The following TTN variants were observed in gnomAD, a reference collection of about 807,000 sequenced individuals.
The protein encoded by TTN is titin, also known as connectin.
Under a neutral mutation model 3,223.0 loss-of-function variants are expected in TTN, and 1,525 were observed. The ratio of observed to expected loss-of-function variants is 0.47; its 90% CI spans 0.45 to 0.49. TTN has a LOEUF of 0.49. Ranked by LOEUF, TTN falls within the 20% of genes least tolerant of loss-of-function variation. TTN has a pLI of 0.00. For synonymous variants in TTN, 14,094 were observed against 15,161.0 expected (o/e 0.93, Z 5.17); for missense variants, 40,786 against 43,424.0 (o/e 0.94, Z 5.40).
chr2:178,763,531 T>A (rs1233390256), intron 43 of TTN, among the ~76,000 whole-genome samples: 1 of 152,208 alleles, frequency 6.6e-6, no homozygotes, highest in Admixed American at 6.5e-5. Flanking sequence ...CAGGTACTAT[T>A]TTTCAGATGC....
chr2:178,585,015 G>A (rs374936154), intron 309 of TTN, 47 bp from the exon 310 acceptor site: 26 of 1,604,650 alleles, frequency 1.6e-5, no homozygotes, highest in Middle Eastern at 1.7e-4. Context: ...GATTTGATAC[G>A]TAAAAATATT....
At position 178,579,541 on chromosome 2, in the gene TTN, A is replaced by T. The variant is rs1450467368; in HGVS notation, c.67636+20T>A. On this transcript the variant is annotated intron_variant, in intron 319 of 362. Transcript: ENST00000589042. ...CGATGACAATAAAGGAAAAATGAAG[A>T]TGTGTGCATAGAGCCTTACCAACAT... 1 of 1,608,374 alleles carries T rather than the reference A, an allele frequency of 6.2e-7. No individual in the cohort carries two copies. The highest frequency in any genetic ancestry group is 8.5e-7 in the Non-Finnish European group (1 of 1,178,452).
At chr2:178,545,749 G>T (rs1042426822) in intron 343 of TTN, 56 bp from the exon 344 acceptor site, 13 of 1,597,330 alleles carry the variant, frequency 8.1e-6, no homozygotes, top group Non-Finnish European at 1.1e-5. Context: ...TGATAAGACT[G>T]CCCTTCTCCC....
Position 178,577,488 on chromosome 2 carries a change from A to G in TTN, c.68847T>C (p.Asp22949=). The change falls in exon 324 of 363, where the codon GAT becomes GAC. Residue 22949 remains aspartate, a synonymous_variant. Transcript: ENST00000589042. The stretch of plus-strand genomic sequence containing the variant: ...TTGTTAGCCCATCTTTTATTGTGGG[A>G]TCAAGGACAATTGTTGGTGCCTCTG... ...DEYEAPTIVL[D]PTIKDGLTIK... The G allele has an allele frequency of 6.3e-7, 1 of 1,590,794 alleles. No individual in the cohort carries two copies. Among genetic ancestry groups the G allele is most frequent in the Non-Finnish European group, 8.6e-7 (1 of 1,166,070 alleles).
rs886042786 is a variant in TTN, at chr2:178,566,618, G to A, written c.79514C>T (p.Thr26505Ile). 4.3e-6 allele frequency: 7 copies of A among 1,612,392 alleles called. No homozygotes were observed. The highest frequency in any genetic ancestry group is 1.7e-6 in the Non-Finnish European group (2 of 1,179,676). The change falls in exon 326 of 363, where the codon ACA becomes ATA. Residue 26505 changes from threonine to isoleucine, a missense_variant. Physicochemically the swap from Thr to Ile is moderately conservative, Grantham distance 89 (BLOSUM62 -1). Coordinates refer to ENST00000589042, the MANE Select transcript of TTN (RefSeq NM_001267550.2). ...ATAGATGGGTTTACCCCAGGCAAGT[G>A]TGATTGAATTTTTAGTGGTGTCTAC... Reference protein sequence around the residue: ...HIVDTTKNSITLAWGKPIYDG... With the variant: ...HIVDTTKNSIILAWGKPIYDG...
chr2:178,612,404 G>A lies in TTN; in HGVS notation c.50121C>T (p.Asp16707=), dbSNP rs753788191. 1.4e-5 allele frequency: 23 copies of A among 1,612,396 alleles called. No individual in the cohort carries two copies. Residue 16707 remains aspartate (D), a synonymous_variant, in exon 266 of 363, where the codon GAC becomes GAT. Transcript: ENST00000589042. The part of the protein sequence containing the change: ...GWQTVDTTVK[D]TKCTVTPLTE... The stretch of plus-strand genomic sequence containing the variant: ...TCAGTGGGGTGACTGTGCACTTGGT[G>A]TCCTTGACAGTGGTATCCACTGTTT...
At chr2:178,789,244 C>A in intron 13 of TTN, 116 bp downstream of exon 13, 1 of 1,404,578 alleles carries the variant, frequency 7.1e-7, no homozygotes, top group Non-Finnish European at 9.9e-7. Flanking sequence ...AATAGTGACT[C>A]ATACATAAGA....
intron 62 of TTN, 52 bp from the exon 63 acceptor site, chr2:178,729,997 T>C: frequency 6.3e-7 from 1 of 1,597,404 alleles, no homozygotes; most frequent in Non-Finnish European, 8.5e-7. Context: ...AACAGGTCAC[T>C]GGGCAAAACT....
intron 219 of TTN, chr2:178,641,551 C>A: frequency 3.6e-6 from 1 of 280,296 alleles, no homozygotes; most frequent in Non-Finnish European, 6.6e-6. Context: ...GATAGAGGGT[C>A]TATTCTGAGA....
In TTN at chr2:178,602,076, G is replaced by T; in HGVS notation, c.55195C>A (p.Pro18399Thr). The part of the protein sequence containing the change: ...VCKAGSQIRI[P>T]AVIKGRPTPK... ...GTTGGGCGTCCCTTGATGACAGCAGGAATCCTAATCTGTGAGCCAGCTTTA... is the reference window on the plus strand; with the variant it reads ...GTTGGGCGTCCCTTGATGACAGCAGTAATCCTAATCTGTGAGCCAGCTTTA... The change falls in exon 284 of 363, where the codon CCT becomes ACT. Residue 18399 changes from proline (P) to threonine (T), a missense_variant. Transcript: ENST00000589042. 4.3e-6 allele frequency: 7 copies of T among 1,612,712 alleles called. No individual in the cohort carries two copies. The highest frequency in any genetic ancestry group is 5.9e-6 in the Non-Finnish European group (7 of 1,179,212).
intron 47 of TTN, chr2:178,748,231 G>T (rs1204686501): frequency 6.2e-7 from 1 of 1,612,900 alleles, no homozygotes; most frequent in South Asian, 1.1e-5. Flanking sequence ...CTTCAGAAAA[G>T]GATTTAAGAG....
rs201284459 is a variant in TTN, at chr2:178,774,998, G to A, written c.6713C>T (p.Thr2238Met). 190 of 1,613,826 alleles carry A rather than the reference G, an allele frequency of 1.2e-4. No individual in the cohort carries two copies. In the Middle Eastern group the frequency reaches 1.6e-3, roughly 14 times the overall value. ...VHFLSILTID[T>M]SDAEDYSCVL... ...ACAGCTGTAATCTTCAGCATCAGAC[G>A]TATCAATGGTCAGTATGGAGAGGAA... The change falls in exon 29 of 363, where the codon ACG (threonine) becomes ATG (methionine). Residue 2238 changes from threonine to methionine, a missense_variant. By Grantham distance (81) the Thr-to-Met change is moderately conservative. Coordinates refer to ENST00000589042, the MANE Select transcript of TTN (RefSeq NM_001267550.2).
chr2:178,663,186 T>C (rs2065079295), intron 173 of TTN, 80 bp downstream of exon 173: 3 of 1,590,500 alleles, frequency 1.9e-6, no homozygotes, highest in South Asian at 1.1e-5. Context: ...CATCTTTATG[T>C]AGTAGGATTT....
Position 178,583,754 on chromosome 2 carries a change from C to G in TTN, c.65428G>C (p.Ala21810Pro). The G allele has an allele frequency of 6.2e-7, 1 of 1,611,810 alleles. No homozygotes were observed. The highest frequency in any genetic ancestry group is 8.5e-7 in the Non-Finnish European group (1 of 1,178,930). Reference sequence around the variant, plus strand: ...TCTTCCTGGGGAATCTGGTGAGGTGCAGTATTGCACCGTACCCATTTATCA... The same window carrying G: ...TCTTCCTGGGGAATCTGGTGAGGTGGAGTATTGCACCGTACCCATTTATCA... Reference protein sequence around the residue: ...PGDKWVRCNTAPHQIPQEEYT... With the variant: ...PGDKWVRCNTPPHQIPQEEYT... Residue 21810 changes from alanine (A) to proline (P), a missense_variant, in exon 312 of 363, where the codon GCA becomes CCA. Physicochemically the swap from Ala to Pro is conservative, Grantham distance 27. Coordinates refer to ENST00000589042, the MANE Select transcript of TTN (RefSeq NM_001267550.2).
chr2:178,774,163 C>A, intron 30 of TTN, 44 bp downstream of exon 30: 2 of 1,614,028 alleles, frequency 1.2e-6, no homozygotes, highest in Non-Finnish European at 1.7e-6. Flanking sequence ...ATCAATAAAC[C>A]ATAATGATGC....
rs1364127443 is a variant in TTN at position 178,549,155 on chromosome 2, G to C, written c.92471C>G (p.Pro30824Arg). The change falls in exon 339 of 363, where the codon CCT (proline) becomes CGT (arginine). Residue 30824 changes from proline (P) to arginine (R), a missense_variant. Coordinates refer to ENST00000589042, the MANE Select transcript of TTN (RefSeq NM_001267550.2). ...GTCTGTTACTTTGACCACTGTGGGAGGACCTGGTGGGTTGACGGGCTCTCT... is the reference window on the plus strand; with the variant it reads ...GTCTGTTACTTTGACCACTGTGGGACGACCTGGTGGGTTGACGGGCTCTCT... ...KCREPVNPPGPPTVVKVTDTS... is the reference protein window; with the variant it reads ...KCREPVNPPGRPTVVKVTDTS... 6.2e-7 allele frequency: 1 copy of C among 1,613,788 alleles called. No homozygotes were observed. The highest frequency in any genetic ancestry group is 2.2e-5 in the East Asian group (1 of 44,840).
At position 178,563,001 on chromosome 2, in the gene TTN, T is replaced by C. The variant is rs377621382; in HGVS notation, c.83131A>G (p.Lys27711Glu). ...CTGTCAGTGAGAATGCCTTCTGCCT[T>C]TTCCCATTTAACTTCGGGTTCTGGT... ...GRPEPEVKWEKAEGILTDRAQ... is the reference protein window; with the variant it reads ...GRPEPEVKWEEAEGILTDRAQ... The change falls in exon 326 of 363, where the codon AAG (lysine) becomes GAG (glutamate). Residue 27711 changes from lysine to glutamate, a missense_variant. Coordinates refer to ENST00000589042, the MANE Select transcript of TTN (RefSeq NM_001267550.2). The surrounding 1 kb of genome is among the most constrained non-coding windows in gnomAD (Gnocchi z 4.5). The C allele has an allele frequency of 6.2e-7, 1 of 1,613,684 alleles. No homozygotes were observed. The highest frequency in any genetic ancestry group is 1.1e-5 in the South Asian group (1 of 91,086).
Position 178,585,208 on chromosome 2 carries a change from G to A in TTN, c.64536C>T (p.His21512=). 6.2e-7 allele frequency: 1 copy of A among 1,613,360 alleles called. No homozygotes were observed. The highest frequency in any genetic ancestry group is 8.5e-7 in the Non-Finnish European group (1 of 1,179,478). The part of the protein sequence containing the change: ...KGEDEVVTSS[H]LAVHKADSSS... ...AGCTGTCTGCTTTATGCACTGCCAGGTGGCTGGATGTGACAACTTCATCTT... is the reference window on the plus strand; with the variant it reads ...AGCTGTCTGCTTTATGCACTGCCAGATGGCTGGATGTGACAACTTCATCTT... The change falls in exon 309 of 363, where the codon CAC becomes CAT. Residue 21512 remains histidine, a synonymous_variant. Transcript: ENST00000589042.
chr2:178,558,753 T>C (rs1256340078), intron 326 of TTN, 116 bp from the exon 327 acceptor site: 2 of 1,174,100 alleles, frequency 1.7e-6, no homozygotes, highest in Admixed American at 3.0e-5. Context: ...TTTATGTTGA[T>C]TTTAGTCTTC....
Sources: allele counts gnomAD v4.1 joint callset (sites outside exome capture counted in the v4.1 genomes callset), GRCh38; gene constraint gnomAD v4.1.1; non-coding constraint Gnocchi (gnomAD v3.1); transcripts MANE v1.5; gene names NCBI Gene and HGNC (gene_info 2026-07-23, HGNC 2026-07-21).